The following ATRNL1 variants were observed in gnomAD, a reference collection of about 807,000 sequenced individuals.
ATRNL1 encodes attractin-like protein 1.
A neutral mutation model predicts 182.7 loss-of-function variants in ATRNL1; 95 were observed. That is an observed-to-expected ratio of 0.52 (90% CI 0.44 to 0.62). The LOEUF is 0.62. Ranked by LOEUF, ATRNL1 falls within the 20% of genes least tolerant of loss-of-function variation. The pLI, the probability that ATRNL1 is intolerant of heterozygous loss-of-function variation, is 0.00. For synonymous variants in ATRNL1, 576 were observed against 568.3 expected (o/e 1.01, Z -0.19); for missense variants, 1,471 against 1,679.5 (o/e 0.88, Z 2.17).
chr10:115,253,653 G>C (rs1318080109), intron 10 of ATRNL1, among the ~76,000 whole-genome samples: 1 of 151,926 alleles, frequency 6.6e-6, no homozygotes, highest in Non-Finnish European at 1.5e-5. Context: ...TAATGTGCAG[G>C]TTTGATACAT....
intron 15 of ATRNL1, among the ~76,000 whole-genome samples, chr10:115,290,809 T>C (rs1235341904): frequency 6.6e-6 from 1 of 152,232 alleles, no homozygotes; most frequent in Non-Finnish European, 1.5e-5. Context: ...AGGTGGTGTC[T>C]GATTTACATA....
chr10:115,117,109 G>A (rs1299371697), intron 1 of ATRNL1, among the ~76,000 whole-genome samples: 11 of 151,904 alleles, frequency 7.2e-5, no homozygotes, highest in African/African-American at 2.7e-4. Context: ...TGTTTATGGG[G>A]TATGTGGGAT....
At chr10:115,611,771 A>G (rs2133778072) in intron 26 of ATRNL1, among the ~76,000 whole-genome samples, 1 of 152,338 alleles carries the variant, frequency 6.6e-6, no homozygotes, top group Non-Finnish European at 1.5e-5. Flanking sequence ...ATCTCAAAAA[A>G]TCAAGGCCAG....
intron 28 of ATRNL1, among the ~76,000 whole-genome samples, chr10:115,879,310 A>AAAAAAAAAAG (rs1392207536): frequency 6.6e-6 from 1 of 151,132 alleles, no homozygotes; most frequent in Non-Finnish European, 1.5e-5. Flanking sequence ...TATCTCAAAA[A>AAAAAAAAAAG]AAAAAGAAAG....
intron 5 of ATRNL1, among the ~76,000 whole-genome samples, chr10:115,145,921 T>A (rs1298034339): frequency 6.6e-6 from 1 of 152,134 alleles, no homozygotes; most frequent in African/African-American, 2.4e-5. Flanking sequence ...CTTGAAAAAC[T>A]CTCTGAATTT....
intron 13 of ATRNL1, among the ~76,000 whole-genome samples, chr10:115,278,269 A>T (rs952601577): frequency 6.6e-6 from 1 of 152,104 alleles, no homozygotes; most frequent in Non-Finnish European, 1.5e-5. Flanking sequence ...TTTTTTAATA[A>T]ACATTCATTC....
intron 18 of ATRNL1, among the ~76,000 whole-genome samples, chr10:115,317,005 A>G (rs577179771): frequency 9.2e-5 from 14 of 152,202 alleles, no homozygotes; most frequent in African/African-American, 3.1e-4. Context: ...TATGTCCTAA[A>G]TGTTATTGCC....
intron 25 of ATRNL1, among the ~76,000 whole-genome samples, chr10:115,542,181 T>C (rs1309472364): frequency 6.6e-6 from 1 of 152,146 alleles, no homozygotes; most frequent in African/African-American, 2.4e-5. Flanking sequence ...CAGATGAGGC[T>C]TGAGACTACT....
At chr10:115,150,075 G>A (rs1331537567) in intron 5 of ATRNL1, among the ~76,000 whole-genome samples, 1 of 151,816 alleles carries the variant, frequency 6.6e-6, no homozygotes, top group Non-Finnish European at 1.5e-5. Flanking sequence ...AATCTTAGTA[G>A]GATGTATGTG....
intron 8 of ATRNL1, among the ~76,000 whole-genome samples, chr10:115,178,423 A>G (rs1847619858): frequency 1.3e-5 from 2 of 152,168 alleles, no homozygotes; most frequent in Admixed American, 6.6e-5. Flanking sequence ...TAATTGTATA[A>G]TGATGAAAAG....
intron 26 of ATRNL1, among the ~76,000 whole-genome samples, chr10:115,726,236 G>A (rs1451790601): frequency 6.6e-6 from 1 of 152,128 alleles, no homozygotes; most frequent in Non-Finnish European, 1.5e-5. Context: ...TCAAAGACTA[G>A]TAGTTAACAT....
intron 1 of ATRNL1, among the ~76,000 whole-genome samples, chr10:115,112,575 A>G (rs1457773512): frequency 1.3e-5 from 2 of 152,226 alleles, no homozygotes; most frequent in African/African-American, 4.8e-5. Context: ...TTGAAGCAAG[A>G]GCAAACATCA....
chr10:115,808,503 TC>T (rs1179359785), intron 27 of ATRNL1, among the ~76,000 whole-genome samples: 1 of 152,196 alleles, frequency 6.6e-6, no homozygotes, highest in East Asian at 1.9e-4. Flanking sequence ...TTATAGGTCT[TC>T]TTGTAGACAC....
chr10:115,355,152 C>T (rs1554942504), intron 19 of ATRNL1, among the ~76,000 whole-genome samples: 1 of 152,098 alleles, frequency 6.6e-6, no homozygotes, highest in Non-Finnish European at 1.5e-5. Flanking sequence ...GCCTCATTTA[C>T]TCCGTGTGAT....
intron 26 of ATRNL1, among the ~76,000 whole-genome samples, chr10:115,596,397 C>G (rs1022979734): frequency 6.6e-6 from 1 of 152,190 alleles, no homozygotes; most frequent in Non-Finnish European, 1.5e-5. Flanking sequence ...TGAGCCACCA[C>G]GCCCGGCCCG....
chr10:115,704,446 C>A (rs1006658464), intron 26 of ATRNL1, among the ~76,000 whole-genome samples: 4 of 151,704 alleles, frequency 2.6e-5, no homozygotes, highest in Non-Finnish European at 5.9e-5. Context: ...CTCTGACATA[C>A]GAGGGTTTAG....
chr10:115,160,023 C>A lies in ATRNL1; in HGVS notation c.830-17C>A, dbSNP rs782231789. ...CTTTGTTTAATCTAGTGTGTTGTTTCATTTTTTTTTTAATAGGTCCTGATT... is the reference window on the plus strand; with the variant it reads ...CTTTGTTTAATCTAGTGTGTTGTTTAATTTTTTTTTTAATAGGTCCTGATT... On this transcript the variant is annotated splice_polypyrimidine_tract_variant and intron_variant, in intron 5 of 28. Transcript: ENST00000355044. The A allele has an allele frequency of 1.5e-5, 23 of 1,530,206 alleles. No homozygotes were observed. Among genetic ancestry groups the A allele is most frequent in the Non-Finnish European group, 1.7e-5 (19 of 1,131,934 alleles). 94.8% of individuals were successfully genotyped at this position (1,530,206 alleles called of 1,614,324 possible).
chr10:115,555,353 A>G (rs953611651), intron 26 of ATRNL1, among the ~76,000 whole-genome samples: 15 of 151,884 alleles, frequency 9.9e-5, no homozygotes, highest in Non-Finnish European at 1.5e-4. Context: ...TTCTGAAAAT[A>G]TATCTTAAAG....
intron 20 of ATRNL1, among the ~76,000 whole-genome samples, chr10:115,417,619 G>A (rs1845455113): frequency 6.6e-6 from 1 of 152,200 alleles, no homozygotes; most frequent in Non-Finnish European, 1.5e-5. Context: ...CCCAGCCTCA[G>A]ATTTGGCCCC....
Sources: gnomAD v4.1 joint callset for allele counts (sites outside exome capture counted in the v4.1 genomes callset) on GRCh38, gnomAD v4.1.1 for gene constraint, MANE v1.5 for transcripts, NCBI Gene and HGNC (gene_info 2026-07-23, HGNC 2026-07-21) for gene names.